The following CIB2 variants were observed in gnomAD, a reference collection of about 807,000 sequenced individuals.
CIB2 encodes the protein calcium and integrin binding family member 2.
Under a neutral mutation model 23.1 loss-of-function variants are expected in CIB2, and 19 were observed. The observed-to-expected ratio is 0.82, with a 90% CI of 0.57 to 1.21. The LOEUF is 1.21. Among genes scored for constraint, CIB2 ranks in the 50% most tolerant of loss-of-function variants. The probability of loss-of-function intolerance (pLI) is 0.00; values close to 1 mark genes in which losing one functional copy is unlikely to be tolerated. For missense variants in CIB2, 220 were observed against 241.5 expected, an observed-to-expected ratio of 0.91 and a Z score of 0.59; for synonymous variants, 94 against 91.7, an observed-to-expected ratio of 1.03 and a Z score of -0.14.
rs1419817072 is a variant in CIB2 at position 78,111,204 on chromosome 15, G to A, written c.159C>T (p.His53=). The A allele has an allele frequency of 4.3e-6, 7 of 1,614,076 alleles. No individual in the cohort carries two copies. The highest frequency in any genetic ancestry group is 1.3e-5 in the African/African-American group (1 of 74,934). The stretch of plus-strand genomic sequence containing the variant: ...TCTGGATGATGAGGCTCATGGGCAC[G>A]TGGACGATGGGGCTCTTCCTGTAGT... ...PMDYRKSPIV[H]VPMSLIIQMP... is the part of the protein sequence containing the mutation. The change falls in exon 3 of 6, where the codon CAC becomes CAT. Residue 53 remains histidine, a synonymous_variant. Transcript: ENST00000258930.
intron 1 of CIB2, among the ~76,000 whole-genome samples, chr15:78,126,804 C>A (rs1026154328): frequency 1.3e-5 from 2 of 152,210 alleles, no homozygotes; most frequent in African/African-American, 4.8e-5. Context: ...TGCCATGAAC[C>A]TGCTCATCAA....
Position 78,105,184 on chromosome 15 carries a change from A to C in CIB2, c.*127T>G. On this transcript the variant is annotated 3_prime_UTR_variant, in exon 6 of 6. Coordinates refer to ENST00000258930, the MANE Select transcript of CIB2 (RefSeq NM_006383.4). ...AGGTTTTTTTTTTGCTGAAAGGGCC[A>C]CAGGATATATTTGTGGTGTAAACCC... 1.6e-6 allele frequency: 2 copies of C among 1,279,708 alleles called. No homozygotes were observed. Among genetic ancestry groups the C allele is most frequent in the Non-Finnish European group, 2.2e-6 (2 of 908,412 alleles). The allele number at this position is 1,279,708 out of a possible 1,614,324, so 79.3% of individuals were successfully genotyped here.
rs2074450394 is a variant in CIB2 at position 78,131,177 on chromosome 15, T to C, written c.39A>G (p.Leu13=). Residue 13 remains leucine, a synonymous_variant, in exon 1 of 6, where the codon CTA becomes CTG. Transcript: ENST00000258930. This position sits in a 1 kb window ranked among gnomAD's most constrained non-coding sequence, Gnocchi z 5.8. ...NKQTIFTEEQ[L]DNYQDCTFFN... ...GCGCCGAGCTCACCTGGTAGTTGTC[T>C]AGCTGCTCTTCGGTGAAGATGGTCT... The C allele has an allele frequency of 2.5e-6, 4 of 1,589,782 alleles. No individual in the cohort carries two copies. The African/African-American group carries it at 4.1e-5, about 16-fold the overall frequency.
At chr15:78,116,423 C>T (rs547856649) in intron 2 of CIB2, among the ~76,000 whole-genome samples, 1 of 150,282 alleles carries the variant, frequency 6.7e-6, no homozygotes, top group African/African-American at 2.5e-5. Context: ...GCCATGATCG[C>T]ACCACTGCAC....
At chr15:78,117,366 A>T (rs905689890) in intron 2 of CIB2, among the ~76,000 whole-genome samples, 2 of 151,786 alleles carry the variant, frequency 1.3e-5, no homozygotes, top group Admixed American at 6.6e-5. Flanking sequence ...TCAGGTATTA[A>T]AACAGTTTAA....
chr15:78,130,057 C>A (rs775204419), intron 1 of CIB2, among the ~76,000 whole-genome samples: 22 of 152,152 alleles, frequency 1.4e-4, no homozygotes, highest in Non-Finnish European at 3.1e-4. Flanking sequence ...TCAGAGGACC[C>A]ACACTTCACA....
intron 2 of CIB2, among the ~76,000 whole-genome samples, chr15:78,118,409 G>GGTTTA (rs2074270272): frequency 6.6e-6 from 1 of 151,988 alleles, no homozygotes; most frequent in African/African-American, 2.4e-5. Flanking sequence ...TGACCAACAT[G>GGTTTA]GTGAAACCCG....
chr15:78,110,870 C>T, intron 3 of CIB2: 1 of 498,016 alleles, frequency 2.0e-6, no homozygotes, highest in Non-Finnish European at 3.9e-6. Flanking sequence ...ACAAAGCAGA[C>T]ACAGGTCTGC....
intron 2 of CIB2, among the ~76,000 whole-genome samples, chr15:78,121,407 C>T (rs1226755751): frequency 6.6e-6 from 1 of 152,280 alleles, no homozygotes; most frequent in East Asian, 1.9e-4. Flanking sequence ...CAAGCCCTCT[C>T]ACCTGCCTGG....
At chr15:78,114,188 T>C (rs916946342) in intron 2 of CIB2, among the ~76,000 whole-genome samples, 1 of 152,054 alleles carries the variant, frequency 6.6e-6, no homozygotes, top group African/African-American at 2.4e-5. Flanking sequence ...CTGGAAGGGG[T>C]GGACTAGGGA....
intron 2 of CIB2, among the ~76,000 whole-genome samples, chr15:78,115,433 T>C (rs930330235): frequency 6.6e-6 from 1 of 151,952 alleles, no homozygotes; most frequent in African/African-American, 2.4e-5. Context: ...CTGATTTTTT[T>C]ATATTTTTAG....
chr15:78,120,365 T>A (rs1373133064), intron 2 of CIB2, among the ~76,000 whole-genome samples: 2 of 152,230 alleles, frequency 1.3e-5, no homozygotes, highest in African/African-American at 4.8e-5. Context: ...ATTATGTATA[T>A]GTGTAGTAAG....
chr15:78,112,311 A>G (rs2074172750), intron 2 of CIB2, among the ~76,000 whole-genome samples: 1 of 152,200 alleles, frequency 6.6e-6, no homozygotes, highest in Non-Finnish European at 1.5e-5. Context: ...CTATGCCTGT[A>G]AACCCAGTGT....
chr15:78,105,724 C>T lies in CIB2; in HGVS notation c.542+15G>A. ...GCTCTGCCCTGCCCAAGCCCGGCCCCTGTAGTGGCAGCACCTGAGGAAGTC... is the reference window on the plus strand; with the variant it reads ...GCTCTGCCCTGCCCAAGCCCGGCCCTTGTAGTGGCAGCACCTGAGGAAGTC... On this transcript the variant is annotated intron_variant, in intron 5 of 5. Coordinates refer to ENST00000258930, the MANE Select transcript of CIB2 (RefSeq NM_006383.4). 3 of 1,613,876 alleles carry T rather than the reference C, an allele frequency of 1.9e-6. No individual in the cohort carries two copies. Among genetic ancestry groups the T allele is most frequent in the Non-Finnish European group, 2.5e-6 (3 of 1,179,936 alleles).
intron 1 of CIB2, among the ~76,000 whole-genome samples, chr15:78,125,669 G>T (rs1304732991): frequency 6.6e-6 from 1 of 152,174 alleles, no homozygotes; most frequent in Non-Finnish European, 1.5e-5. Context: ...TCTTGAATCA[G>T]AAACTCTGTG....
intron 3 of CIB2, 26 bp from the exon 4 acceptor site, chr15:78,109,408 C>T: frequency 6.2e-7 from 1 of 1,613,688 alleles, no homozygotes; most frequent in Non-Finnish European, 8.5e-7. Flanking sequence ...ACAGCAATCA[C>T]TGTGGGTGCA....
chr15:78,121,251 A>G (rs561928184), intron 2 of CIB2, among the ~76,000 whole-genome samples: 13 of 152,182 alleles, frequency 8.5e-5, no homozygotes, highest in Admixed American at 8.5e-4. Context: ...CTGTGAGAAA[A>G]CAGCTCCTGC....
chr15:78,123,976 G>A (rs1193758588), intron 1 of CIB2, among the ~76,000 whole-genome samples: 1 of 152,204 alleles, frequency 6.6e-6, no homozygotes, highest in East Asian at 1.9e-4. Context: ...TTAGTGCATG[G>A]TGGGGGGCTG....
intron 2 of CIB2, among the ~76,000 whole-genome samples, chr15:78,118,148 T>C (rs1596356940): frequency 6.6e-6 from 1 of 152,306 alleles, no homozygotes; most frequent in East Asian, 1.9e-4. Context: ...GAAGGTACAG[T>C]ATAATCCCAT....
Sources: gnomAD v4.1 joint callset for allele counts (sites outside exome capture counted in the v4.1 genomes callset) on GRCh38, gnomAD v4.1.1 for gene constraint, Gnocchi (gnomAD v3.1) non-coding constraint, MANE v1.5 for transcripts, NCBI Gene and HGNC (gene_info 2026-07-23, HGNC 2026-07-21) for gene names.